TCF7L1: variants seen among roughly 807,000 people sequenced by gnomAD.
The protein encoded by TCF7L1 is transcription factor 7-like 1.
Under a neutral mutation model 63.7 loss-of-function variants are expected in TCF7L1, and 18 were observed. The ratio of observed to expected loss-of-function variants is 0.28; its 90% CI spans 0.20 to 0.42. The LOEUF is 0.42. Ranked by LOEUF, TCF7L1 falls within the 10% of genes least tolerant of loss-of-function variation. The pLI is 1.00. For missense variants in TCF7L1, 654 were observed against 779.3 expected (o/e 0.84, Z 1.91); for synonymous variants, 355 against 340.9 (o/e 1.04, Z -0.46).
chr2:85,239,962 C>A (rs61192767), intron 3 of TCF7L1, among the ~76,000 whole-genome samples: 5,541 of 109,682 alleles, frequency 0.051, 340 homozygotes, highest in African/African-American at 0.15. Flanking sequence ...AAAAAAAAAA[C>A]AAAAAAAAAA....
intron 3 of TCF7L1, among the ~76,000 whole-genome samples, chr2:85,215,372 C>T (rs1246917401): frequency 6.6e-6 from 1 of 152,220 alleles, no homozygotes; most frequent in Non-Finnish European, 1.5e-5. Flanking sequence ...TCCAGGGAGC[C>T]ACATACCCTC....
At chr2:85,257,240 T>C (rs1680740507) in intron 3 of TCF7L1, among the ~76,000 whole-genome samples, 1 of 152,084 alleles carries the variant, frequency 6.6e-6, no homozygotes, top group African/African-American at 2.4e-5. Flanking sequence ...GCACACGAGA[T>C]TTGTGTACTT....
intron 3 of TCF7L1, among the ~76,000 whole-genome samples, chr2:85,269,659 G>T (rs139981950): frequency 4.7e-4 from 72 of 152,224 alleles, no homozygotes; most frequent in East Asian, 2.5e-3. Flanking sequence ...ATATTTTAAG[G>T]CCGATTAATG....
At chr2:85,197,240 G>A (rs1266763445) in intron 3 of TCF7L1, among the ~76,000 whole-genome samples, 1 of 152,166 alleles carries the variant, frequency 6.6e-6, no homozygotes, top group Non-Finnish European at 1.5e-5. Flanking sequence ...GTGAAACCCA[G>A]TCTGTACTAA....
chr2:85,309,594 A>G lies in TCF7L1; in HGVS notation c.*132A>G. 2 of 828,978 alleles carry G rather than the reference A, an allele frequency of 2.4e-6. No individual in the cohort carries two copies. Among genetic ancestry groups the G allele is most frequent in the Non-Finnish European group, 3.5e-6 (2 of 578,308 alleles). 51.4% of individuals were successfully genotyped at this position (828,978 alleles called of 1,614,324 possible). On this transcript the variant is annotated 3_prime_UTR_variant, in exon 12 of 12. Transcript: ENST00000282111. Reference sequence around the variant, plus strand: ...GTTCTGTAAAGTGGCTGGTAACAACAGCACTTTACAGTTTGTAGATGTAAC... The same window carrying G: ...GTTCTGTAAAGTGGCTGGTAACAACGGCACTTTACAGTTTGTAGATGTAAC...
chr2:85,154,143 C>G (rs1455628291), intron 3 of TCF7L1, among the ~76,000 whole-genome samples: 3 of 152,146 alleles, frequency 2.0e-5, no homozygotes, highest in Non-Finnish European at 4.4e-5. Flanking sequence ...TATGGACTTT[C>G]CTTCATCTGT....
chr2:85,214,076 C>T (rs1679634831), intron 3 of TCF7L1, among the ~76,000 whole-genome samples: 1 of 152,180 alleles, frequency 6.6e-6, no homozygotes, highest in South Asian at 2.1e-4. Context: ...GTGCCATGCT[C>T]AGCAGCCTGA....
At chr2:85,238,747 T>G (rs1680252478) in intron 3 of TCF7L1, among the ~76,000 whole-genome samples, 2 of 152,116 alleles carry the variant, frequency 1.3e-5, no homozygotes, top group African/African-American at 2.4e-5. Flanking sequence ...TACTTTAGGT[T>G]GGATGGACAG....
chr2:85,175,330 G>A (rs1490788076), intron 3 of TCF7L1, among the ~76,000 whole-genome samples: 2 of 152,158 alleles, frequency 1.3e-5, no homozygotes, highest in Non-Finnish European at 2.9e-5. Flanking sequence ...AAAATTACCC[G>A]AATTTTGATA....
rs1480064260 is a variant in TCF7L1 at position 85,306,885 on chromosome 2, C to T, written c.1257+326C>T. Among the ~76,000 whole-genome samples, 3 of 152,118 alleles carry T rather than the reference C, an allele frequency of 2.0e-5. No homozygotes were observed. Among genetic ancestry groups the T allele is most frequent in the Non-Finnish European group, 4.4e-5 (3 of 68,026 alleles). ...TTCACTGTGTTAACCAGGATGGTCT[C>T]GAGCTCCTGACCTCGTGATCCGCCC... On this transcript the variant is annotated intron_variant, in intron 10 of 11. Transcript: ENST00000282111. This position sits in a 1 kb window ranked among gnomAD's most constrained non-coding sequence, Gnocchi z 4.3.
chr2:85,198,310 T>C (rs1679201359), intron 3 of TCF7L1, among the ~76,000 whole-genome samples: 1 of 152,212 alleles, frequency 6.6e-6, no homozygotes, highest in Non-Finnish European at 1.5e-5. Context: ...AGAAAATCAT[T>C]GAGCAATTAC....
intron 6 of TCF7L1, 48 bp from the exon 7 acceptor site, chr2:85,304,207 T>C: frequency 6.4e-7 from 1 of 1,567,042 alleles, no homozygotes; most frequent in Non-Finnish European, 8.7e-7. Flanking sequence ...TCTCTTCCTC[T>C]GCCCTGAGCT....
chr2:85,292,803 C>A (rs1260435924), intron 4 of TCF7L1, among the ~76,000 whole-genome samples: 3 of 152,232 alleles, frequency 2.0e-5, no homozygotes, highest in Admixed American at 1.3e-4. Context: ...GTCTCAAACT[C>A]CTGGGCTCAC....
intron 3 of TCF7L1, among the ~76,000 whole-genome samples, chr2:85,155,895 A>G (rs980443383): frequency 6.6e-6 from 1 of 152,206 alleles, no homozygotes; most frequent in African/African-American, 2.4e-5. Context: ...GCCCCTTTGT[A>G]CACTAATTAA....
intron 3 of TCF7L1, among the ~76,000 whole-genome samples, chr2:85,199,995 A>G (rs972090713): frequency 1.3e-5 from 2 of 152,218 alleles, no homozygotes; most frequent in Non-Finnish European, 2.9e-5. Context: ...AGATGGAGTC[A>G]TACAACATGT....
intron 3 of TCF7L1, among the ~76,000 whole-genome samples, chr2:85,222,350 A>G (rs1679862001): frequency 6.9e-6 from 1 of 145,636 alleles, no homozygotes; most frequent in Non-Finnish European, 1.5e-5. Context: ...CAAAAAAAAA[A>G]ACAAACAAAC....
At chr2:85,170,757 C>T (rs1027566989) in intron 3 of TCF7L1, among the ~76,000 whole-genome samples, 2 of 152,104 alleles carry the variant, frequency 1.3e-5, no homozygotes, top group Non-Finnish European at 2.9e-5. Flanking sequence ...GATTTTTTCC[C>T]GTCTGCCCAG....
At chr2:85,257,392 C>G (rs1024744147) in intron 3 of TCF7L1, among the ~76,000 whole-genome samples, 3 of 152,206 alleles carry the variant, frequency 2.0e-5, no homozygotes, top group African/African-American at 7.2e-5. Flanking sequence ...GGCTTAGCTC[C>G]AGGGCATCCT....
chr2:85,207,411 C>A (rs1428376115), intron 3 of TCF7L1, among the ~76,000 whole-genome samples: 1 of 152,128 alleles, frequency 6.6e-6, no homozygotes, highest in Non-Finnish European at 1.5e-5. Context: ...CAGGTTCCTC[C>A]TTTTTCCTTT....
Sources: allele counts gnomAD v4.1 joint callset (sites outside exome capture counted in the v4.1 genomes callset), GRCh38; gene constraint gnomAD v4.1.1; non-coding constraint Gnocchi (gnomAD v3.1); transcripts MANE v1.5; gene names NCBI Gene and HGNC (gene_info 2026-07-23, HGNC 2026-07-21).